The following ABCA13 variants were observed in gnomAD, a reference collection of about 807,000 sequenced individuals.
ABCA13 encodes the protein ATP-binding cassette sub-family A member 13.
A neutral mutation model predicts 478.7 loss-of-function variants in ABCA13; 476 were observed. The ratio of observed to expected loss-of-function variants is 0.99; its 90% confidence interval spans 0.92 to 1.07. ABCA13 has a LOEUF of 1.07. ABCA13 is among the 50% of genes least tolerant of loss of function. The pLI is 0.00. For synonymous variants in ABCA13, 2,252 were observed against 2,158.9 expected, an observed-to-expected ratio of 1.04 and a Z score of -1.20; for missense variants, 6,060 against 5,910.6, an observed-to-expected ratio of 1.03 and a Z score of -0.83.
intron 33 of ABCA13, among the ~76,000 whole-genome samples, chr7:48,373,642 G>A (rs1481429956): frequency 3.3e-5 from 5 of 152,140 alleles, no homozygotes; most frequent in Admixed American, 6.5e-5. Context: ...ACACAAGTGG[G>A]ACCATTGGTG....
In ABCA13 at chr7:48,389,185, G is replaced by T; in HGVS notation, c.11619G>T (p.Leu3873=). ...TCTACAGAGACCAAATCACCGCCCT[G>T]CTGGGGACAAACGGTGCCGGGAAAA... ...LTFYRDQITA[L]LGTNGAGKTT... The change falls in exon 37 of 62, where the codon CTG becomes CTT. Residue 3873 remains leucine (L), a synonymous_variant. Transcript: ENST00000435803. 1 of 1,613,808 alleles carries T rather than the reference G, an allele frequency of 6.2e-7. No homozygotes were observed. The highest frequency in any genetic ancestry group is 8.5e-7 in the Non-Finnish European group (1 of 1,179,802).
At chr7:48,290,285 G>C (rs1798325403) in intron 20 of ABCA13, among the ~76,000 whole-genome samples, 1 of 152,198 alleles carries the variant, frequency 6.6e-6, no homozygotes, top group African/African-American at 2.4e-5. Flanking sequence ...GGTTGGGTGG[G>C]GGCTTCCTAC....
At chr7:48,368,142 A>T (rs779068081) in intron 32 of ABCA13, among the ~76,000 whole-genome samples, 1 of 152,164 alleles carries the variant, frequency 6.6e-6, no homozygotes, top group African/African-American at 2.4e-5. Context: ...GAATAGCCAC[A>T]TGAGATTGCA....
chr7:48,637,401 A>AAAAAAAAAAAAAAAAAAAAAAAAAAAAG (rs1794750008), intron 59 of ABCA13, among the ~76,000 whole-genome samples: 1 of 148,068 alleles, frequency 6.8e-6, no homozygotes, highest in Admixed American at 6.7e-5. Context: ...AAAAAAAAAA[A>AAAAAAAAAAAAAAAAAAAAAAAAAAAAG]AAAAACAGAG....
In ABCA13 at chr7:48,310,006, T is replaced by C; in HGVS notation, c.9381T>C (p.His3127=). 1 of 1,613,952 alleles carries C rather than the reference T, an allele frequency of 6.2e-7. No homozygotes were observed. The highest frequency in any genetic ancestry group is 8.5e-7 in the Non-Finnish European group (1 of 1,179,834). ...LSGKCDQEIL[H]LLLTFPKGEK... ...GAAAGTGTGATCAGGAAATCCTTCA[T>C]CTCCTGCTGACATTTCCCAAAGGGG... The change falls in exon 24 of 62, where the codon CAT becomes CAC. Residue 3127 remains histidine, a synonymous_variant. Transcript: ENST00000435803.
At chr7:48,637,198 T>G (rs1272294804) in intron 59 of ABCA13, among the ~76,000 whole-genome samples, 1 of 151,838 alleles carries the variant, frequency 6.6e-6, no homozygotes, top group Non-Finnish European at 1.5e-5. Context: ...CTGCCATCTT[T>G]GCACAGATGG....
At chr7:48,461,084 A>G (rs1826191287) in intron 43 of ABCA13, among the ~76,000 whole-genome samples, 1 of 152,222 alleles carries the variant, frequency 6.6e-6, no homozygotes, top group Non-Finnish European at 1.5e-5. Context: ...GTAATTGGAC[A>G]ATTGTTTGGA....
chr7:48,415,329 G>A (rs1452485371), intron 41 of ABCA13, among the ~76,000 whole-genome samples: 2 of 152,032 alleles, frequency 1.3e-5, no homozygotes, highest in South Asian at 2.1e-4. Context: ...TTTTTGGGGG[G>A]TTATCGAGAG....
chr7:48,638,743 CT>C lies in ABCA13; in HGVS notation c.14838-4544del, dbSNP rs1794886912. Among the ~76,000 whole-genome samples, 3 of 152,220 alleles carry C rather than the reference CT, an allele frequency of 2.0e-5. No homozygotes were observed. The South Asian group carries it at 6.2e-4, about 32-fold the overall frequency. Reference sequence around the variant, plus strand: ...ATAAGCTGAGTGACAAAGAAAAAATCTCCTGATCTCTTTGGGCCTCAAATTT... The same window carrying C: ...ATAAGCTGAGTGACAAAGAAAAAATCCCTGATCTCTTTGGGCCTCAAATTT... On this transcript the variant is annotated intron_variant, in intron 59 of 61. Coordinates refer to ENST00000435803, the MANE Select transcript of ABCA13 (RefSeq NM_152701.5).
intron 42 of ABCA13, among the ~76,000 whole-genome samples, chr7:48,432,853 C>T (rs955734276): frequency 6.6e-6 from 1 of 151,882 alleles, no homozygotes; most frequent in Non-Finnish European, 1.5e-5. Context: ...TAAATGGATA[C>T]AATATTTCAG....
intron 13 of ABCA13, among the ~76,000 whole-genome samples, chr7:48,247,713 A>T (rs2128685237): frequency 6.6e-6 from 1 of 152,184 alleles, no homozygotes. Flanking sequence ...TTCTCCAGGT[A>T]ACCTCTCCAT....
At position 48,507,970 on chromosome 7, in the gene ABCA13, T is replaced by C. The variant is rs775133257; in HGVS notation, c.13445T>C (p.Val4482Ala). 1 of 1,613,452 alleles carries C rather than the reference T, an allele frequency of 6.2e-7. No individual in the cohort carries two copies. The highest frequency in any genetic ancestry group is 1.1e-5 in the South Asian group (1 of 91,014). The change falls in exon 50 of 62, where the codon GTG (valine) becomes GCG (alanine). Residue 4482 changes from valine (V) to alanine (A), a missense_variant. Physicochemically the swap from Val to Ala is moderately conservative, Grantham distance 64. Coordinates refer to ENST00000435803, the MANE Select transcript of ABCA13 (RefSeq NM_152701.5). Reference sequence around the variant, plus strand: ...GGCAGCTCTGTGGTGAGGGACAGGGTGATTGGAGCCAAAAGGTTGCAGCAC... The same window carrying C: ...GGCAGCTCTGTGGTGAGGGACAGGGCGATTGGAGCCAAAAGGTTGCAGCAC... ...SIGSSVVRDR[V>A]IGAKRLQHIS...
rs192779487 is a variant in ABCA13, at chr7:48,468,678, T to G, written c.12905+1633T>G. Among the ~76,000 whole-genome samples the G allele has an allele frequency of 1.1e-3, 164 of 152,356 alleles. 1 individual carries two copies. Among genetic ancestry groups the G allele is most frequent in the Middle Eastern group, 3.4e-3 (1 of 294 alleles). Reference sequence around the variant, plus strand: ...GTTGAATTTGATGATATCTACATTTTACCTCCTTGGAAGACTTGGGCAATC... The same window carrying G: ...GTTGAATTTGATGATATCTACATTTGACCTCCTTGGAAGACTTGGGCAATC... On this transcript the variant is annotated intron_variant, in intron 44 of 61. Transcript: ENST00000435803.
At chr7:48,281,888 T>C (rs1797100057) in intron 19 of ABCA13, among the ~76,000 whole-genome samples, 1 of 152,202 alleles carries the variant, frequency 6.6e-6, no homozygotes, top group Non-Finnish European at 1.5e-5. Flanking sequence ...ACAGTCAATA[T>C]TTTTTGAAGA....
chr7:48,310,282 G>A, intron 24 of ABCA13, 141 bp downstream of exon 24: 2 of 920,568 alleles, frequency 2.2e-6, no homozygotes, highest in South Asian at 3.8e-5. Flanking sequence ...AGCCTCTGGT[G>A]TCACCTGTTT....
chr7:48,229,981 A>G (rs1788810302), intron 7 of ABCA13, 26 bp downstream of exon 7: 3 of 1,602,736 alleles, frequency 1.9e-6, no homozygotes, highest in Non-Finnish European at 8.5e-7. Flanking sequence ...AGCTATTGCT[A>G]TATTTCAAAA....
intron 42 of ABCA13, among the ~76,000 whole-genome samples, chr7:48,451,200 G>A (rs1211026389): frequency 2.6e-5 from 4 of 151,968 alleles, no homozygotes; most frequent in Admixed American, 1.3e-4. Context: ...GTTTCACCAT[G>A]TTGGACACGC....
intron 9 of ABCA13, among the ~76,000 whole-genome samples, chr7:48,240,179 T>C (rs1254460081): frequency 1.3e-5 from 2 of 152,186 alleles, no homozygotes; most frequent in Non-Finnish European, 2.9e-5. Flanking sequence ...TCCTTAAAAA[T>C]ATATAGGTGT....
At position 48,625,103 on chromosome 7, in the gene ABCA13, T is replaced by TA. The variant is rs201065877; in HGVS notation, c.14837+9734dup. The stretch of plus-strand genomic sequence containing the variant: ...AGGGTTTGTTTGTGGATTTTTTTCC[T>TA]AAAAAAAATGAAAGGAGGCAGAATC... On this transcript the variant is annotated intron_variant, in intron 59 of 61. Coordinates refer to ENST00000435803, the MANE Select transcript of ABCA13 (RefSeq NM_152701.5). Among the ~76,000 whole-genome samples the TA allele has an allele frequency of 9.0e-3, 1,360 of 151,940 alleles. 19 individuals are homozygous for TA. The highest frequency in any genetic ancestry group is 0.031 in the African/African-American group (1,269 of 41,454).
Sources: allele counts gnomAD v4.1 joint callset (sites outside exome capture counted in the v4.1 genomes callset), GRCh38; gene constraint gnomAD v4.1.1; transcripts MANE v1.5; gene names NCBI Gene and HGNC (gene_info 2026-07-23, HGNC 2026-07-21).